The following RBFOX1 variants were observed in gnomAD, a reference collection of about 807,000 sequenced individuals.
RBFOX1 encodes the protein RNA binding fox-1 homolog 1, also known as RNA binding protein fox-1 homolog 1.
In RBFOX1, 8 loss-of-function variants were observed where a neutral mutation model predicts 57.7. The ratio of observed to expected loss-of-function variants is 0.14; its 90% confidence interval spans 0.08 to 0.25. The LOEUF (loss-of-function observed/expected upper bound fraction) is 0.25. Ranked by LOEUF, RBFOX1 falls within the 10% of genes least tolerant of loss-of-function variation. The probability of loss-of-function intolerance (pLI) is 1.00; values close to 1 mark genes in which losing one functional copy is unlikely to be tolerated. For missense variants in RBFOX1, 611 were observed against 548.5 expected (o/e 1.11, Z -1.14); for synonymous variants, 326 against 222.4 (o/e 1.47, Z -4.15).
intron 4 of RBFOX1, among the ~76,000 whole-genome samples, chr16:7,342,234 A>G (rs528797655): frequency 3.5e-4 from 54 of 152,220 alleles, no homozygotes; most frequent in Middle Eastern, 3.4e-3. Flanking sequence ...AGTAATACCA[A>G]GTGTACTCTA....
intron 1 of RBFOX1, among the ~76,000 whole-genome samples, chr16:6,164,654 T>TTTTG (rs2096903629): frequency 1.3e-5 from 2 of 151,778 alleles, no homozygotes; most frequent in African/African-American, 2.4e-5. Context: ...GTTTTGTTTT[T>TTTTG]TTTTAGTAGA....
chr16:7,084,302 TACAC>T (rs898760834), intron 4 of RBFOX1, among the ~76,000 whole-genome samples: 2 of 151,904 alleles, frequency 1.3e-5, no homozygotes, highest in Admixed American at 6.6e-5. Context: ...AATACATATA[TACAC>T]ACACACTTAT....
intron 4 of RBFOX1, among the ~76,000 whole-genome samples, chr16:7,387,694 C>T (rs74012524): frequency 0.015 from 2,295 of 152,208 alleles, 60 homozygotes; most frequent in African/African-American, 0.053. Context: ...GGAGTGGTGT[C>T]GGTGGCAGCT....
chr16:7,203,938 A>T lies in RBFOX1; in HGVS notation c.27+151840A>T, dbSNP rs74614717. Among the ~76,000 whole-genome samples, 4 of 152,370 alleles carry T rather than the reference A, an allele frequency of 2.6e-5. No homozygotes were observed. The East Asian group carries it at 7.7e-4, about 29-fold the overall frequency. On this transcript the variant is annotated intron_variant, in intron 4 of 15. Coordinates refer to ENST00000550418, the MANE Select transcript of RBFOX1 (RefSeq NM_018723.4). ...AGGTGCACATTTACATATGATTTGC[A>T]TCTGCTTTACATAGGGCTGTACAAG...
chr16:5,858,859 C>G (rs942175966), intron 3 of RBFOX1, among the ~76,000 whole-genome samples: 1 of 152,148 alleles, frequency 6.6e-6, no homozygotes, highest in Non-Finnish European at 1.5e-5. Flanking sequence ...TGGCTGGAAC[C>G]AAGTCCCAGG....
intron 11 of RBFOX1, among the ~76,000 whole-genome samples, chr16:7,631,916 G>T (rs1477727169): frequency 6.6e-6 from 1 of 152,140 alleles, no homozygotes; most frequent in Non-Finnish European, 1.5e-5. Context: ...GTTTCTCACA[G>T]TTAGAGGTTT....
intron 2 of RBFOX1, among the ~76,000 whole-genome samples, chr16:5,560,734 C>T (rs577262553): frequency 1.3e-5 from 2 of 152,312 alleles, no homozygotes; most frequent in South Asian, 2.1e-4. Context: ...GACTCTTGGA[C>T]CTGCTATTGG....
intron 4 of RBFOX1, among the ~76,000 whole-genome samples, chr16:7,246,908 C>G (rs896529690): frequency 6.6e-6 from 1 of 152,132 alleles, no homozygotes; most frequent in Non-Finnish European, 1.5e-5. Context: ...TACAACCTCC[C>G]TAAACCTCAA....
At chr16:6,931,338 T>TACA (rs1360394265) in intron 3 of RBFOX1, among the ~76,000 whole-genome samples, 4,226 of 130,776 alleles carry the variant, frequency 0.032, 80 homozygotes, top group African/African-American at 0.052. Context: ...TCTATCTATC[T>TACA]CTACACACAC....
At chr16:7,192,365 G>T (rs1014488691) in intron 4 of RBFOX1, among the ~76,000 whole-genome samples, 1 of 152,152 alleles carries the variant, frequency 6.6e-6, no homozygotes, top group African/African-American at 2.4e-5. Context: ...TGGCTGAACT[G>T]GGTGCTTCTC....
intron 4 of RBFOX1, among the ~76,000 whole-genome samples, chr16:7,059,143 C>G (rs2053452990): frequency 6.6e-6 from 1 of 152,188 alleles, no homozygotes; most frequent in African/African-American, 2.4e-5. Context: ...GATAATGAAA[C>G]TTCCCAACTG....
intron 14 of RBFOX1, among the ~76,000 whole-genome samples, chr16:7,694,988 A>G (rs2078334251): frequency 6.6e-6 from 1 of 151,978 alleles, no homozygotes; most frequent in Non-Finnish European, 1.5e-5. Context: ...CCGTGACTTA[A>G]ACCCTGCCTT....
At chr16:7,219,701 C>T (rs2092572929) in intron 4 of RBFOX1, among the ~76,000 whole-genome samples, 3 of 152,148 alleles carry the variant, frequency 2.0e-5, no homozygotes, top group African/African-American at 2.4e-5. Flanking sequence ...TGAGTACACC[C>T]TGGAAACAGG....
chr16:7,591,618 A>G (rs2094446231), intron 7 of RBFOX1, among the ~76,000 whole-genome samples: 1 of 152,102 alleles, frequency 6.6e-6, no homozygotes, highest in Non-Finnish European at 1.5e-5. Flanking sequence ...GGCACAGGCC[A>G]CCAATCTCTT....
At chr16:7,395,400 C>T (rs1356487182) in intron 4 of RBFOX1, among the ~76,000 whole-genome samples, 1 of 152,184 alleles carries the variant, frequency 6.6e-6, no homozygotes, top group Non-Finnish European at 1.5e-5. Flanking sequence ...CCGCTTTGTT[C>T]AGCTGTAAAT....
intron 14 of RBFOX1, among the ~76,000 whole-genome samples, chr16:7,703,493 T>G (rs1375131756): frequency 2.0e-5 from 3 of 152,102 alleles, no homozygotes; most frequent in Non-Finnish European, 2.9e-5. Context: ...AATGGAAGAA[T>G]AAAAAGTTCC....
intron 3 of RBFOX1, among the ~76,000 whole-genome samples, chr16:6,962,804 G>C (rs576148137): frequency 2.9e-4 from 44 of 152,164 alleles, no homozygotes; most frequent in African/African-American, 1.0e-3. Context: ...GATGGAGGCT[G>C]CAGTGAGCTG....
At chr16:6,870,348 T>A (rs146785312) in intron 3 of RBFOX1, among the ~76,000 whole-genome samples, 2 of 152,186 alleles carry the variant, frequency 1.3e-5, no homozygotes, top group South Asian at 4.1e-4. Context: ...AAATCTGATA[T>A]TCCAAGATGC....
At chr16:5,242,999 T>A (rs535371165) in intron 1 of RBFOX1, among the ~76,000 whole-genome samples, 81 of 30,832 alleles carry the variant, frequency 2.6e-3, no homozygotes, top group Non-Finnish European at 4.6e-3. Context: ...GGGTGGAGGG[T>A]GGAGGGTGGG....
Sources: allele counts gnomAD v4.1 joint callset (sites outside exome capture counted in the v4.1 genomes callset), GRCh38; gene constraint gnomAD v4.1.1; transcripts MANE v1.5; gene names NCBI Gene and HGNC (gene_info 2026-07-23, HGNC 2026-07-21).